Variants in PADI1 observed in about 807,000 individuals in gnomAD.
PADI1 encodes the protein protein-arginine deiminase type-1.
A neutral mutation model predicts 74.8 loss-of-function variants in PADI1; 65 were observed. The ratio of observed to expected loss-of-function variants is 0.87; its 90% CI spans 0.71 to 1.07. The LOEUF is 1.07. PADI1 is among the 50% of genes least tolerant of loss of function. The pLI, the probability that PADI1 is intolerant of heterozygous loss-of-function variation, is 0.00. For synonymous variants in PADI1, 371 were observed against 336.2 expected (o/e 1.10, Z -1.13); for missense variants, 943 against 854.0 (o/e 1.10, Z -1.30).
At chr1:17,228,376 G>T (rs576264013) in intron 6 of PADI1, among the ~76,000 whole-genome samples, 6 of 152,278 alleles carry the variant, frequency 3.9e-5, no homozygotes, top group Admixed American at 3.9e-4. Context: ...TTTGTGCCAG[G>T]TGCTTCTATC....
intron 1 of PADI1, among the ~76,000 whole-genome samples, chr1:17,221,468 CAAGAAAAAAAA>C (rs916908516): frequency 4.3e-5 from 2 of 46,710 alleles, no homozygotes; most frequent in Non-Finnish European, 7.7e-5. Flanking sequence ...GACTCTGTCT[CAAGAAAAAAAA>C]AAAAAAAGAA....
chr1:17,224,650 T>C (rs2072259433), intron 4 of PADI1, among the ~76,000 whole-genome samples: 1 of 152,168 alleles, frequency 6.6e-6, no homozygotes, highest in South Asian at 2.1e-4. Flanking sequence ...CAGCTTACCC[T>C]CTCTGGGTCT....
chr1:17,221,793 G>A (rs2072158498), intron 1 of PADI1, among the ~76,000 whole-genome samples: 1 of 152,204 alleles, frequency 6.6e-6, no homozygotes, highest in African/African-American at 2.4e-5. Context: ...GGTGGCAGGG[G>A]CGCATCAGAA....
intron 1 of PADI1, among the ~76,000 whole-genome samples, chr1:17,220,708 T>A (rs1036606661): frequency 6.6e-6 from 1 of 152,294 alleles, no homozygotes; most frequent in South Asian, 2.1e-4. Flanking sequence ...CAAGCACCAA[T>A]GTGTAGTTCT....
intron 10 of PADI1, among the ~76,000 whole-genome samples, chr1:17,231,610 T>G (rs1258558404): frequency 6.6e-6 from 1 of 152,196 alleles, no homozygotes; most frequent in Non-Finnish European, 1.5e-5. Flanking sequence ...CCACCTGACC[T>G]GCCCCGGGCT....
chr1:17,233,363 G>A (rs74058993), intron 11 of PADI1, among the ~76,000 whole-genome samples: 3 of 152,332 alleles, frequency 2.0e-5, no homozygotes, highest in African/African-American at 4.8e-5. Context: ...CCATTAGGAA[G>A]TCAGAATAGC....
chr1:17,244,183 C>T lies in PADI1; in HGVS notation c.1932C>T (p.His644=). ...LSYHELQGEI[H]CGTNVRRKPF... is the part of the protein sequence containing the mutation. ...ACCACGAGCTGCAGGGGGAGATCCACTGTGGCACCAACGTGCGCAGGAAGC... is the reference window on the plus strand; with the variant it reads ...ACCACGAGCTGCAGGGGGAGATCCATTGTGGCACCAACGTGCGCAGGAAGC... Residue 644 remains histidine, a synonymous_variant, in exon 16 of 16, where the codon CAC becomes CAT. Transcript: ENST00000375471. 6.8e-6 allele frequency: 11 copies of T among 1,614,228 alleles called. No individual in the cohort carries two copies. The highest frequency in any genetic ancestry group is 9.3e-6 in the Non-Finnish European group (11 of 1,180,030).
chr1:17,243,740 GT>G (rs950520880), intron 15 of PADI1, among the ~76,000 whole-genome samples: 17 of 151,842 alleles, frequency 1.1e-4, no homozygotes, highest in Admixed American at 2.0e-4. Context: ...AGTGGGAGAA[GT>G]TTTTTTTTGT....
At chr1:17,215,621 T>G (rs1170629274) in intron 1 of PADI1, among the ~76,000 whole-genome samples, 1 of 152,136 alleles carries the variant, frequency 6.6e-6, no homozygotes, top group Non-Finnish European at 1.5e-5. Flanking sequence ...TGTGGCTACT[T>G]GCTCTTGGAA....
At chr1:17,237,513 G>A in intron 12 of PADI1, 55 bp downstream of exon 12, 1 of 1,526,320 alleles carries the variant, frequency 6.6e-7, no homozygotes, top group Non-Finnish European at 8.9e-7. Flanking sequence ...GACCTGATGG[G>A]ATGAGTCAGG....
chr1:17,217,848 T>G (rs35500545), intron 1 of PADI1, among the ~76,000 whole-genome samples: 3,826 of 152,312 alleles, frequency 0.025, 81 homozygotes, highest in Non-Finnish European at 0.038. Context: ...CAGAAAGTGA[T>G]GGAGACAGGT....
At position 17,221,645 on chromosome 1, in the gene PADI1, C is replaced by T. The variant is rs1246262209; in HGVS notation, c.93-645C>T. Among the ~76,000 whole-genome samples, 6 of 151,984 alleles carry T rather than the reference C, an allele frequency of 3.9e-5. No homozygotes were observed. In the East Asian group the frequency reaches 1.2e-3, roughly 29 times the overall value. ...GTGAGGGAAGGAGACTTGTGGACATCTTGGGGAGGAGCAGTCCATGCAGCA... is the reference window on the plus strand; with the variant it reads ...GTGAGGGAAGGAGACTTGTGGACATTTTGGGGAGGAGCAGTCCATGCAGCA... On this transcript the variant is annotated intron_variant, in intron 1 of 15. Transcript: ENST00000375471.
At chr1:17,242,329 C>T (rs1569857177) in intron 15 of PADI1, among the ~76,000 whole-genome samples, 1 of 152,208 alleles carries the variant, frequency 6.6e-6, no homozygotes, top group African/African-American at 2.4e-5. Context: ...CATATCGGTA[C>T]AATACAGTCC....
intron 15 of PADI1, among the ~76,000 whole-genome samples, chr1:17,243,270 C>T (rs1480078450): frequency 2.6e-5 from 4 of 152,200 alleles, no homozygotes; most frequent in African/African-American, 7.2e-5. Flanking sequence ...AGGTCCGCAA[C>T]CAAGGGAAGG....
intron 1 of PADI1, among the ~76,000 whole-genome samples, chr1:17,207,939 AAG>A (rs2071724921): frequency 6.6e-6 from 1 of 152,230 alleles, no homozygotes. Context: ...TGGGCAGGGA[AAG>A]AGGGGCATGG....
At chr1:17,213,279 C>G (rs1351201458) in intron 1 of PADI1, among the ~76,000 whole-genome samples, 1 of 150,368 alleles carries the variant, frequency 6.7e-6, no homozygotes, top group Non-Finnish European at 1.5e-5. Context: ...GGACGCATTG[C>G]CCTCCTATGC....
At chr1:17,213,338 C>T (rs2071883705) in intron 1 of PADI1, among the ~76,000 whole-genome samples, 1 of 152,246 alleles carries the variant, frequency 6.6e-6, no homozygotes, top group Admixed American at 6.5e-5. Context: ...ACCCCTGCAA[C>T]TGAGCTCCCC....
chr1:17,212,644 A>G (rs577523513), intron 1 of PADI1, among the ~76,000 whole-genome samples: 1 of 152,304 alleles, frequency 6.6e-6, no homozygotes, highest in South Asian at 2.1e-4. Context: ...GCCACGCAAA[A>G]GGAAAAGCTT....
At position 17,238,596 on chromosome 1, in the gene PADI1, T is replaced by C. The variant is rs560681392; in HGVS notation, c.1459-20T>C. ...AAGGGGACCCTGTCCACTGAGCCAT[T>C]CTCCCTCCCTCCGTGCCAGGGCTTC... On this transcript the variant is annotated intron_variant, in intron 12 of 15. Transcript: ENST00000375471. The C allele has an allele frequency of 6.4e-6, 9 of 1,414,318 alleles. No homozygotes were observed. In the Admixed American group the frequency reaches 7.4e-5, roughly 12 times the overall value. The allele number at this position is 1,414,318 out of a possible 1,614,324, so 87.6% of individuals were successfully genotyped here.
Sources: allele counts gnomAD v4.1 joint callset (sites outside exome capture counted in the v4.1 genomes callset), GRCh38; gene constraint gnomAD v4.1.1; transcripts MANE v1.5; gene names NCBI Gene and HGNC (gene_info 2026-07-23, HGNC 2026-07-21).